The following WDR33 variants were observed in gnomAD, a reference collection of about 807,000 sequenced individuals.
WDR33 encodes the protein pre-mRNA 3' end processing protein WDR33.
A neutral mutation model predicts 164.9 loss-of-function variants in WDR33; 47 were observed. The observed-to-expected ratio is 0.29, with a 90% CI of 0.23 to 0.36. The LOEUF (loss-of-function observed/expected upper bound fraction) is 0.36, where lower values mean the gene tolerates loss of function less well. WDR33 is among the 10% of genes least tolerant of loss of function. The pLI is 1.00. For synonymous variants in WDR33, 505 were observed against 589.0 expected (o/e 0.86, Z 2.06); for missense variants, 1,137 against 1,754.1 (o/e 0.65, Z 6.28).
At chr2:127,742,302 T>C (rs1033917755) in intron 7 of WDR33, among the ~76,000 whole-genome samples, 1 of 152,056 alleles carries the variant, frequency 6.6e-6, no homozygotes, top group African/African-American at 2.4e-5. Context: ...CCAAGGTATG[T>C]GGATTGCTTG....
chr2:127,798,355 G>A (rs1275456903), intron 1 of WDR33, among the ~76,000 whole-genome samples: 19 of 107,544 alleles, frequency 1.8e-4, no homozygotes, highest in Non-Finnish European at 2.4e-4. Flanking sequence ...GCAACAGGGC[G>A]AGACACCGTC....
intron 1 of WDR33, among the ~76,000 whole-genome samples, chr2:127,798,085 A>C (rs1689101630): frequency 6.6e-6 from 1 of 152,066 alleles, no homozygotes; most frequent in Non-Finnish European, 1.5e-5. Flanking sequence ...AAATGAATTT[A>C]AGCCGGGCGT....
intron 1 of WDR33, among the ~76,000 whole-genome samples, chr2:127,788,154 G>A (rs1382333733): frequency 1.1e-4 from 11 of 96,486 alleles, no homozygotes; most frequent in Non-Finnish European, 1.5e-4. Context: ...CCGGGCAGAG[G>A]CGCCCCTCAC....
chr2:127,732,161 G>A (rs1023446602), intron 7 of WDR33, among the ~76,000 whole-genome samples: 6 of 123,946 alleles, frequency 4.8e-5, no homozygotes, highest in African/African-American at 9.1e-5. Context: ...ACACACAGAC[G>A]GACACCCCAA....
chr2:127,719,508 A>G lies in WDR33; in HGVS notation c.2517T>C (p.Pro839=). The change falls in exon 16 of 22, where the codon CCT becomes CCC. Residue 839 remains proline (P), a synonymous_variant. Coordinates refer to ENST00000322313, the MANE Select transcript of WDR33 (RefSeq NM_018383.5). This position sits in a 1 kb window ranked among gnomAD's most constrained non-coding sequence, Gnocchi z 6.5. ...GTCCCAGCATTGATCCTTGGGGTGG[A>G]GGCCCCTGCATGCCTCGGATCTCCT... The part of the protein sequence containing the change: ...GPQEIRGMQG[P]PPQGSMLGPP... 1 of 1,612,458 alleles carries G rather than the reference A, an allele frequency of 6.2e-7. No individual in the cohort carries two copies. The highest frequency in any genetic ancestry group is 1.1e-5 in the South Asian group (1 of 90,938).
At position 127,712,389 on chromosome 2, in the gene WDR33, C is replaced by T. The variant is rs1477969509; in HGVS notation, c.3308+1194G>A. On this transcript the variant is annotated intron_variant, in intron 18 of 21. Coordinates refer to ENST00000322313, the MANE Select transcript of WDR33 (RefSeq NM_018383.5). This position sits in a 1 kb window ranked among gnomAD's most constrained non-coding sequence, Gnocchi z 4.0. ...CCAGCCTGGCAACAGAGCAAGACTC[C>T]GTCTCAAGAAGAAAAAAAAAAAAAA... 5.3e-5 allele frequency among the ~76,000 whole-genome samples: 8 copies of T among 150,278 alleles called. No individual in the cohort carries two copies. Among genetic ancestry groups the T allele is most frequent in the African/African-American group, 1.7e-4 (7 of 40,870 alleles).
chr2:127,708,959 T>C lies in WDR33; in HGVS notation c.3566-67A>G. The C allele has an allele frequency of 2.8e-6, 4 of 1,439,810 alleles. No homozygotes were observed. The highest frequency in any genetic ancestry group is 3.7e-6 in the Non-Finnish European group (4 of 1,085,716). The allele number at this position is 1,439,810 out of a possible 1,614,324, so 89.2% of individuals were successfully genotyped here. A position where few individuals can be genotyped will look rare whatever the true frequency, so the allele number is the denominator to read the frequency against. On this transcript the variant is annotated intron_variant, in intron 20 of 21. Coordinates refer to ENST00000322313, the MANE Select transcript of WDR33 (RefSeq NM_018383.5). This position sits in a 1 kb window ranked among gnomAD's most constrained non-coding sequence, Gnocchi z 6.7. ...GACCAGAAGTAGATGGGAATGACACTGTGAGAGTAAGGAGCAACTCGAGAG... is the reference window on the plus strand; with the variant it reads ...GACCAGAAGTAGATGGGAATGACACCGTGAGAGTAAGGAGCAACTCGAGAG...
At position 127,710,575 on chromosome 2, in the gene WDR33, A is replaced by T. The variant is rs538165786; in HGVS notation, c.3309-719T>A. Among the ~76,000 whole-genome samples the T allele has an allele frequency of 6.6e-6, 1 of 152,356 alleles. No homozygotes were observed. The highest frequency in any genetic ancestry group is 1.9e-4 in the East Asian group (1 of 5,188). ...TAGCTGGCAGTCTGGAGCCCTGCTT[A>T]GTGAACAGCTTCCCCTTCTCTCAGG... On this transcript the variant is annotated intron_variant, in intron 18 of 21. Transcript: ENST00000322313. The surrounding 1 kb of genome is among the most constrained non-coding windows in gnomAD (Gnocchi z 4.4).
chr2:127,737,127 CA>C, intron 7 of WDR33: 1 of 985,352 alleles, frequency 1.0e-6, no homozygotes, highest in Non-Finnish European at 1.2e-6. Flanking sequence ...AAAAAATTTA[CA>C]TTTTTTTAAA....
rs968756717 is a variant in WDR33 at position 127,721,171 on chromosome 2, G to C, written c.1671+665C>G. Among the ~76,000 whole-genome samples, 1 of 151,974 alleles carries C rather than the reference G, an allele frequency of 6.6e-6. No individual in the cohort carries two copies. The highest frequency in any genetic ancestry group is 2.1e-4 in the South Asian group (1 of 4,786). On this transcript the variant is annotated intron_variant, in intron 15 of 21. Transcript: ENST00000322313. The surrounding 1 kb of genome is among the most constrained non-coding windows in gnomAD (Gnocchi z 4.9). ...GGCACAGGCTGGAGTGCAGTGGTAC[G>C]ATCTCGGCTCACTGAAACTTCTGCC...
chr2:127,755,673 G>T (rs1687498738), intron 7 of WDR33, among the ~76,000 whole-genome samples: 1 of 152,188 alleles, frequency 6.6e-6, no homozygotes, highest in Non-Finnish European at 1.5e-5. Context: ...GTTCACTTCA[G>T]AAGTGTACAG....
chr2:127,720,173 C>T lies in WDR33; in HGVS notation c.1852G>A (p.Gly618Arg). 1 of 1,613,264 alleles carries T rather than the reference C, an allele frequency of 6.2e-7. No individual in the cohort carries two copies. The highest frequency in any genetic ancestry group is 8.5e-7 in the Non-Finnish European group (1 of 1,179,736). Residue 618 changes from glycine (G) to arginine (R), a missense_variant, in exon 16 of 22, where the codon GGG becomes AGG. Gly to Arg is a moderately radical substitution (Grantham distance 125). Transcript: ENST00000322313. The surrounding 1 kb of genome is among the most constrained non-coding windows in gnomAD (Gnocchi z 5.9). ...QQMPMNMAQM[G>R]PPGPQGQFRP... ...AACTGTCCCTGTGGACCTGGAGGCCCCATTTGAGCCATGTTCATTGGCATC... is the reference window on the plus strand; with the variant it reads ...AACTGTCCCTGTGGACCTGGAGGCCTCATTTGAGCCATGTTCATTGGCATC...
chr2:127,754,512 A>G (rs1573918953), intron 7 of WDR33, among the ~76,000 whole-genome samples: 1 of 151,876 alleles, frequency 6.6e-6, no homozygotes, highest in East Asian at 1.9e-4. Context: ...TTGGATTCCT[A>G]GACTCGAGCA....
chr2:127,807,711 A>C (rs904176216), intron 1 of WDR33, among the ~76,000 whole-genome samples: 4 of 152,196 alleles, frequency 2.6e-5, no homozygotes, highest in Admixed American at 6.6e-5. Context: ...AAATAAACCA[A>C]GTCATGAGGG....
chr2:127,749,028 A>G lies in WDR33; in HGVS notation c.724+14034T>C, dbSNP rs766468702. 7.2e-5 allele frequency among the ~76,000 whole-genome samples: 11 copies of G among 152,178 alleles called. No individual in the cohort carries two copies. In the South Asian group the frequency reaches 2.3e-3, roughly 32 times the overall value. ...TTTAAAATTTCTATAAGTATTAATCATATCTACAAGTACAAAACCAAAAAT... is the reference window on the plus strand; with the variant it reads ...TTTAAAATTTCTATAAGTATTAATCGTATCTACAAGTACAAAACCAAAAAT... On this transcript the variant is annotated intron_variant, in intron 7 of 21. Coordinates refer to ENST00000322313, the MANE Select transcript of WDR33 (RefSeq NM_018383.5).
At position 127,789,844 on chromosome 2, in the gene WDR33, A is replaced by T. The variant is rs576083559; in HGVS notation, c.-23-18840T>A. Among the ~76,000 whole-genome samples, 88 of 149,536 alleles carry T rather than the reference A, an allele frequency of 5.9e-4. 1 individual carries two copies. In the East Asian group the frequency reaches 9.5e-3, roughly 16 times the overall value. Reference sequence around the variant, plus strand: ...TCTATTACTGGTTTGCTAAAAAAAAATTTTTTTTTGAGACAGGGTCTCACT... The same window carrying T: ...TCTATTACTGGTTTGCTAAAAAAAATTTTTTTTTTGAGACAGGGTCTCACT... On this transcript the variant is annotated intron_variant, in intron 1 of 21. Coordinates refer to ENST00000322313, the MANE Select transcript of WDR33 (RefSeq NM_018383.5).
intron 7 of WDR33, among the ~76,000 whole-genome samples, chr2:127,733,938 G>A (rs1351547593): frequency 3.3e-5 from 5 of 152,144 alleles, no homozygotes; most frequent in Non-Finnish European, 5.9e-5. Flanking sequence ...GGCAGTGGTG[G>A]GAGGGGGCCC....
chr2:127,753,083 C>T (rs1448800434), intron 7 of WDR33, among the ~76,000 whole-genome samples: 4 of 152,146 alleles, frequency 2.6e-5, no homozygotes, highest in Non-Finnish European at 5.9e-5. Context: ...TGTGCCACCA[C>T]GCCCAGCTAA....
rs1430558727 is a variant in WDR33, at chr2:127,735,622, C to T, written c.725-8845G>A. Reference sequence around the variant, plus strand: ...AAGAAAATGTGTTAAACATTAACAGCAAACTCAGGCTACTTCTAGCCACAA... The same window carrying T: ...AAGAAAATGTGTTAAACATTAACAGTAAACTCAGGCTACTTCTAGCCACAA... On this transcript the variant is annotated intron_variant, in intron 7 of 21. Transcript: ENST00000322313. The surrounding 1 kb of genome is among the most constrained non-coding windows in gnomAD (Gnocchi z 4.3). 1.0e-6 allele frequency: 1 copy of T among 985,804 alleles called. No individual in the cohort carries two copies. Among genetic ancestry groups the T allele is most frequent in the Non-Finnish European group, 1.2e-6 (1 of 829,930 alleles). The allele number at this position is 985,804 out of a possible 1,614,324, so 61.1% of individuals were successfully genotyped here.
Sources: allele counts gnomAD v4.1 joint callset (sites outside exome capture counted in the v4.1 genomes callset), GRCh38; gene constraint gnomAD v4.1.1; non-coding constraint Gnocchi (gnomAD v3.1); transcripts MANE v1.5; gene names NCBI Gene and HGNC (gene_info 2026-07-23, HGNC 2026-07-21).